SRD5A2: variants seen among roughly 807,000 people sequenced by gnomAD.
The protein encoded by SRD5A2 is steroid 5 alpha-reductase 2.
A neutral mutation model predicts 27.4 loss-of-function variants in SRD5A2; 30 were observed. That is an observed-to-expected ratio of 1.10 (90% CI 0.82 to 1.49). The LOEUF (loss-of-function observed/expected upper bound fraction) is 1.49. Among genes scored for constraint, SRD5A2 ranks in the 40% most tolerant of loss-of-function variants. SRD5A2 has a pLI of 0.00. For synonymous variants in SRD5A2, 141 were observed against 133.6 expected, an observed-to-expected ratio of 1.06 and a Z score of -0.38; for missense variants, 348 against 323.4, an observed-to-expected ratio of 1.08 and a Z score of -0.58.
chr2:31,632,110 A>G, the SRD5A2 span, among the ~76,000 whole-genome samples: 1 of 146,020 alleles, frequency 6.8e-6, no homozygotes, highest in African/African-American at 2.5e-5. Flanking sequence ...TGCAGACATT[A>G]AAAAAAAAAA....
At chr2:31,616,579 G>C in the SRD5A2 span, among the ~76,000 whole-genome samples, 3 of 152,182 alleles carry the variant, frequency 2.0e-5, no homozygotes, top group African/African-American at 7.2e-5. Flanking sequence ...CATGGGGCCT[G>C]CAGCCCCCTT....
the SRD5A2 span, among the ~76,000 whole-genome samples, chr2:31,607,814 C>T: frequency 2.0e-5 from 3 of 151,926 alleles, no homozygotes; most frequent in Non-Finnish European, 2.9e-5. Context: ...AAAATTCATA[C>T]ACTGAAATTC....
At chr2:31,577,721 C>G (rs554526431) in intron 1 of SRD5A2, among the ~76,000 whole-genome samples, 1 of 152,154 alleles carries the variant, frequency 6.6e-6, no homozygotes, top group Non-Finnish European at 1.5e-5. Flanking sequence ...AAAGCCAAGA[C>G]AGCCTGATGC....
the SRD5A2 span, among the ~76,000 whole-genome samples, chr2:31,653,753 G>A: frequency 1.3e-5 from 2 of 152,060 alleles, no homozygotes; most frequent in African/African-American, 4.8e-5. Context: ...TCCGCCTCCT[G>A]GGTTCAAGCG....
chr2:31,568,750 G>A (rs957530542), intron 1 of SRD5A2, among the ~76,000 whole-genome samples: 1 of 152,164 alleles, frequency 6.6e-6, no homozygotes, highest in African/African-American at 2.4e-5. Flanking sequence ...GGCTGTTAGT[G>A]CCAAGGGGTG....
At chr2:31,623,477 C>T in the SRD5A2 span, among the ~76,000 whole-genome samples, 1 of 152,024 alleles carries the variant, frequency 6.6e-6, no homozygotes, top group African/African-American at 2.4e-5. Context: ...AGTTCTGTGC[C>T]CTTGCTGGAG....
Position 31,560,728 on chromosome 2 carries a change from T to C in SRD5A2, c.281+19892A>G, listed in dbSNP as rs150611116. ...TTCCCTGTTCCTTTTATGCACCTGC[T>C]CTTTTTCTTCATACCCTTGCCCTCT... is the stretch of plus-strand genomic sequence containing the variant. On this transcript the variant is annotated intron_variant, in intron 1 of 4. Transcript: ENST00000622030. Among the ~76,000 whole-genome samples, 836 of 152,284 alleles carry C rather than the reference T, an allele frequency of 5.5e-3. 9 individuals are homozygous for C. The highest frequency in any genetic ancestry group is 5.1e-3 in the Non-Finnish European group (348 of 68,022).
intron 1 of SRD5A2, among the ~76,000 whole-genome samples, chr2:31,549,070 G>A (rs1258099063): frequency 7.0e-6 from 1 of 142,148 alleles, no homozygotes; most frequent in Non-Finnish European, 1.5e-5. Flanking sequence ...CCAGGGGCTG[G>A]AAGTAGAGGG....
At chr2:31,648,322 T>C in the SRD5A2 span, among the ~76,000 whole-genome samples, 1 of 152,248 alleles carries the variant, frequency 6.6e-6, no homozygotes, top group Admixed American at 6.5e-5. Context: ...GGATTACATA[T>C]ATGAAGAGAC....
chr2:31,640,110 G>A, the SRD5A2 span, among the ~76,000 whole-genome samples: 1 of 149,692 alleles, frequency 6.7e-6, no homozygotes, highest in Non-Finnish European at 1.5e-5. Context: ...TGTTTCTTTT[G>A]CTTAGTTCAT....
chr2:31,529,202 A>G, intron 4 of SRD5A2, 105 bp downstream of exon 4: 1 of 1,473,694 alleles, frequency 6.8e-7, no homozygotes, highest in Middle Eastern at 2.4e-4. Flanking sequence ...CCTTCCCTTA[A>G]AAAATTAAAT....
At chr2:31,583,259 C>G (rs148462873), upstream of SRD5A2, among the ~76,000 whole-genome samples, 5 of 152,136 alleles carry the variant, frequency 3.3e-5, no homozygotes, top group Middle Eastern at 3.2e-3. Flanking sequence ...AACAAAAGTA[C>G]GAGAGTAGAA....
rs1248298045 is a variant in SRD5A2 at position 31,524,781 on chromosome 2, A to G, written c.*1415T>C. Reference sequence around the variant, plus strand: ...AATATTGACAATGCATTCCGCAAACATAGGCCTGAGAAGACAAATATTTCC... The same window carrying G: ...AATATTGACAATGCATTCCGCAAACGTAGGCCTGAGAAGACAAATATTTCC... On this transcript the variant is annotated 3_prime_UTR_variant, in exon 5 of 5. Transcript: ENST00000622030. 1 of 229,074 alleles carries G rather than the reference A, an allele frequency of 4.4e-6. No homozygotes were observed. The highest frequency in any genetic ancestry group is 8.7e-6 in the Non-Finnish European group (1 of 115,436). The allele number at this position is 229,074 out of a possible 1,614,324, so 14.2% of individuals were successfully genotyped here.
Position 31,523,084 on chromosome 2 carries a change from G to A in SRD5A2, c.*3112C>T, listed in dbSNP as rs1665693368. On this transcript the variant is annotated 3_prime_UTR_variant, in exon 5 of 5. Coordinates refer to ENST00000622030, the MANE Select transcript of SRD5A2 (RefSeq NM_000348.4). ...TCCTTTTTCCTTTTAGAATACAGTGGAGCCACTGTTGTTCTTTATGAAAGT... is the reference window on the plus strand; with the variant it reads ...TCCTTTTTCCTTTTAGAATACAGTGAAGCCACTGTTGTTCTTTATGAAAGT... The A allele has an allele frequency of 4.6e-6, 1 of 218,146 alleles. No homozygotes were observed. Among genetic ancestry groups the A allele is most frequent in the Non-Finnish European group, 9.2e-6 (1 of 108,652 alleles). The allele number at this position is 218,146 out of a possible 1,614,324, so 13.5% of individuals were successfully genotyped here. A position where few individuals can be genotyped will look rare whatever the true frequency, so the allele number is the denominator to read the frequency against.
chr2:31,536,211 T>C (rs937969991), intron 1 of SRD5A2, among the ~76,000 whole-genome samples: 2 of 152,256 alleles, frequency 1.3e-5, no homozygotes, highest in Non-Finnish European at 2.9e-5. Context: ...TAAAAAGTTG[T>C]ATTTTTGTAA....
chr2:31,560,870 A>ATC (rs1666608495), intron 1 of SRD5A2, among the ~76,000 whole-genome samples: 1 of 152,194 alleles, frequency 6.6e-6, no homozygotes, highest in Non-Finnish European at 1.5e-5. Flanking sequence ...AATAAACTGG[A>ATC]TACCAAGTTT....
the SRD5A2 span, among the ~76,000 whole-genome samples, chr2:31,644,376 A>C: frequency 3.9e-4 from 59 of 152,346 alleles, 1 homozygote; most frequent in East Asian, 3.7e-3. Context: ...ATGGAGGAAG[A>C]AGAGGAATAC....
At chr2:31,575,007 G>T (rs1022554388) in intron 1 of SRD5A2, among the ~76,000 whole-genome samples, 10 of 152,158 alleles carry the variant, frequency 6.6e-5, no homozygotes, top group African/African-American at 2.4e-4. Flanking sequence ...AAAGTTTGCT[G>T]ACTCTCATTC....
At position 31,534,571 on chromosome 2, in the gene SRD5A2, A is replaced by G. The variant is rs28383043; in HGVS notation, c.282-805T>C. Reference sequence around the variant, plus strand: ...ATTTGATTCTGTAAATTTTATATTCATTTTTCTTTCTTTGTCTCTTACACA... The same window carrying G: ...ATTTGATTCTGTAAATTTTATATTCGTTTTTCTTTCTTTGTCTCTTACACA... On this transcript the variant is annotated intron_variant, in intron 1 of 4. Transcript: ENST00000622030. 8.9e-3 allele frequency among the ~76,000 whole-genome samples: 1,352 copies of G among 152,252 alleles called. 28 individuals are homozygous for G. Among genetic ancestry groups the G allele is most frequent in the African/African-American group, 0.031 (1,279 of 41,534 alleles).
Sources: gnomAD v4.1 joint callset for allele counts (sites outside exome capture counted in the v4.1 genomes callset) on GRCh38, gnomAD v4.1.1 for gene constraint, MANE v1.5 for transcripts, NCBI Gene and HGNC (gene_info 2026-07-23, HGNC 2026-07-21) for gene names.